The following SPIDR variants were observed in gnomAD, a reference collection of about 807,000 sequenced individuals.
SPIDR encodes DNA repair-scaffolding protein.
Under a neutral mutation model 104.6 loss-of-function variants are expected in SPIDR, and 93 were observed. That is an observed-to-expected ratio of 0.89 (90% CI 0.75 to 1.06). The LOEUF (loss-of-function observed/expected upper bound fraction) is 1.06. Among genes scored for constraint, SPIDR ranks in the 50% least tolerant of loss-of-function variants. The pLI, the probability that SPIDR is intolerant of heterozygous loss-of-function variation, is 0.00. For synonymous variants in SPIDR, 431 were observed against 416.9 expected, an observed-to-expected ratio of 1.03 and a Z score of -0.41; for missense variants, 1,154 against 1,111.2, an observed-to-expected ratio of 1.04 and a Z score of -0.55.
At chr8:47,359,280 A>G (rs950448972) in intron 5 of SPIDR, among the ~76,000 whole-genome samples, 2 of 150,150 alleles carry the variant, frequency 1.3e-5, no homozygotes, top group African/African-American at 4.9e-5. Context: ...TTTTTTTTTA[A>G]CAAATTTTGT....
chr8:47,587,201 C>A (rs748763471), intron 8 of SPIDR, among the ~76,000 whole-genome samples: 3 of 152,118 alleles, frequency 2.0e-5, no homozygotes, highest in Non-Finnish European at 4.4e-5. Flanking sequence ...CGTTTATATT[C>A]ATCATCAATT....
At chr8:47,545,191 G>C (rs367967676) in intron 8 of SPIDR, among the ~76,000 whole-genome samples, 3 of 145,384 alleles carry the variant, frequency 2.1e-5, no homozygotes, top group East Asian at 4.1e-4. Context: ...TGCGATCTCA[G>C]CTCACTGCAA....
intron 5 of SPIDR, among the ~76,000 whole-genome samples, chr8:47,377,329 T>TC (rs1554643059): frequency 6.6e-6 from 1 of 152,200 alleles, no homozygotes; most frequent in African/African-American, 2.4e-5. Context: ...TAAGATTATC[T>TC]CCAAGTTCAG....
intron 9 of SPIDR, among the ~76,000 whole-genome samples, chr8:47,598,042 A>T (rs549084035): frequency 6.6e-6 from 1 of 152,364 alleles, no homozygotes; most frequent in Admixed American, 6.5e-5. Context: ...AAGTATCTGG[A>T]GAGGATTATG....
chr8:47,483,093 G>T (rs567510016), intron 8 of SPIDR, among the ~76,000 whole-genome samples: 2 of 152,000 alleles, frequency 1.3e-5, no homozygotes, highest in Non-Finnish European at 2.9e-5. Flanking sequence ...TATAGAGACC[G>T]TGCTCTTTCC....
At chr8:47,661,496 T>C (rs1414645038) in intron 10 of SPIDR, among the ~76,000 whole-genome samples, 2 of 152,248 alleles carry the variant, frequency 1.3e-5, no homozygotes, top group Non-Finnish European at 2.9e-5. Context: ...AGGAATGTAC[T>C]CAACTGCTTC....
At chr8:47,484,823 A>G (rs577324211) in intron 8 of SPIDR, among the ~76,000 whole-genome samples, 25 of 152,334 alleles carry the variant, frequency 1.6e-4, no homozygotes, top group African/African-American at 6.0e-4. Flanking sequence ...GTGGCGTTCA[A>G]AGGGAATGGC....
chr8:47,346,490 T>C (rs545305144), intron 5 of SPIDR, among the ~76,000 whole-genome samples: 30 of 152,176 alleles, frequency 2.0e-4, no homozygotes, highest in Non-Finnish European at 3.7e-4. Flanking sequence ...ATAAAATGAA[T>C]TAGGGAGGAT....
intron 5 of SPIDR, among the ~76,000 whole-genome samples, chr8:47,348,326 C>T (rs2052619292): frequency 6.6e-6 from 1 of 152,210 alleles, no homozygotes; most frequent in African/African-American, 2.4e-5. Flanking sequence ...CTCTGTTAGT[C>T]TGATGGGCTT....
intron 16 of SPIDR, among the ~76,000 whole-genome samples, chr8:47,714,002 C>A (rs929648036): frequency 2.0e-5 from 3 of 152,060 alleles, no homozygotes; most frequent in Admixed American, 6.6e-5. Context: ...AGGAACATTC[C>A]TGGGAAGAGA....
intron 8 of SPIDR, among the ~76,000 whole-genome samples, chr8:47,524,292 TCTC>T (rs1207477433): frequency 1.3e-5 from 2 of 152,130 alleles, no homozygotes; most frequent in African/African-American, 2.4e-5. Context: ...GGATGAGAAA[TCTC>T]CTCCTCCTCT....
intron 11 of SPIDR, among the ~76,000 whole-genome samples, chr8:47,695,430 G>C (rs1589267740): frequency 1.3e-5 from 2 of 152,100 alleles, no homozygotes; most frequent in South Asian, 4.1e-4. Flanking sequence ...CATGGGCCAG[G>C]TGCTTCCTTG....
chr8:47,666,328 C>A (rs1168682628), intron 10 of SPIDR, among the ~76,000 whole-genome samples: 1 of 152,194 alleles, frequency 6.6e-6, no homozygotes, highest in Non-Finnish European at 1.5e-5. Flanking sequence ...GCAGAGAGTT[C>A]TCTTAGAACA....
intron 10 of SPIDR, chr8:47,654,235 G>A (rs1404230699): frequency 8.1e-7 from 1 of 1,230,080 alleles, no homozygotes; most frequent in South Asian, 1.3e-5. Flanking sequence ...GAAAGAACAG[G>A]GTTTAAGAGA....
At chr8:47,417,225 T>C (rs1338409891) in intron 7 of SPIDR, among the ~76,000 whole-genome samples, 7 of 152,250 alleles carry the variant, frequency 4.6e-5, no homozygotes, top group Non-Finnish European at 1.0e-4. Flanking sequence ...ATGATTGAAC[T>C]AGTTTACAGT....
chr8:47,582,114 G>T (rs118107593), intron 8 of SPIDR, among the ~76,000 whole-genome samples: 4,528 of 151,966 alleles, frequency 0.03, 129 homozygotes, highest in Middle Eastern at 0.085. Context: ...CTACTCTGGA[G>T]TCTGAAGCAG....
chr8:47,382,315 AT>A (rs1388236360), intron 5 of SPIDR, among the ~76,000 whole-genome samples: 12 of 152,256 alleles, frequency 7.9e-5, no homozygotes, highest in Non-Finnish European at 8.8e-5. Flanking sequence ...TGAACATTTC[AT>A]AAAGAAATGT....
chr8:47,304,750 C>CCAG (rs1365653789), intron 5 of SPIDR, among the ~76,000 whole-genome samples: 2 of 152,102 alleles, frequency 1.3e-5, no homozygotes, highest in South Asian at 4.2e-4. Flanking sequence ...TATAAATTAC[C>CCAG]CAGTCTCAGG....
chr8:47,343,235 A>T (rs1272981105), intron 5 of SPIDR, among the ~76,000 whole-genome samples: 1 of 152,216 alleles, frequency 6.6e-6, no homozygotes, highest in Non-Finnish European at 1.5e-5. Flanking sequence ...GAAAACAAAG[A>T]TTCCCTTTAT....
Sources: gnomAD v4.1 joint callset for allele counts (sites outside exome capture counted in the v4.1 genomes callset) on GRCh38, gnomAD v4.1.1 for gene constraint, MANE v1.5 for transcripts, NCBI Gene and HGNC (gene_info 2026-07-23, HGNC 2026-07-21) for gene names.